Variants in PDK1 observed in about 807,000 individuals in gnomAD.
PDK1 encodes [Pyruvate dehydrogenase (acetyl-transferring)] kinase isozyme 1, mitochondrial.
PDK1 carries 39 observed loss-of-function variants against 54.2 expected under a neutral mutation model. That is an observed-to-expected ratio of 0.72 (90% CI 0.56 to 0.94). The LOEUF is 0.94. PDK1 is among the 40% of genes least tolerant of loss of function. The probability of loss-of-function intolerance (pLI) is 0.00; values close to 1 mark genes in which losing one functional copy is unlikely to be tolerated. For synonymous variants in PDK1, 221 were observed against 207.1 expected (o/e 1.07, Z -0.58); for missense variants, 552 against 566.0 (o/e 0.98, Z 0.25).
chr2:172,641,382 C>T, the PDK1 span, among the ~76,000 whole-genome samples: 7 of 152,042 alleles, frequency 4.6e-5, no homozygotes, highest in African/African-American at 1.7e-4. Context: ...ATCTTCCCAC[C>T]TCAGCCTCCC....
intron 8 of PDK1, among the ~76,000 whole-genome samples, chr2:172,583,326 T>C (rs1365673151): frequency 7.8e-6 from 1 of 128,890 alleles, no homozygotes; most frequent in Admixed American, 9.1e-5. Context: ...GAGCAGAGTC[T>C]CGCTCTGTCA....
At chr2:172,592,224 T>G (rs536894712) in intron 9 of PDK1, among the ~76,000 whole-genome samples, 1 of 152,348 alleles carries the variant, frequency 6.6e-6, no homozygotes, top group African/African-American at 2.4e-5. Flanking sequence ...GACCTTCAAT[T>G]ATCAGTTATA....
At chr2:172,568,327 CAAAAAAAAAAAAAAA>C (rs11400625) in intron 6 of PDK1, among the ~76,000 whole-genome samples, 1 of 57,110 alleles carries the variant, frequency 1.8e-5, no homozygotes, top group Non-Finnish European at 3.5e-5. Context: ...GACTCCGTCT[CAAAAAAAAAAAAAAA>C]AAAAAAAAGA....
At chr2:172,578,399 C>G (rs1367322127) in intron 8 of PDK1, among the ~76,000 whole-genome samples, 1 of 152,022 alleles carries the variant, frequency 6.6e-6, no homozygotes, top group Non-Finnish European at 1.5e-5. Flanking sequence ...CAACTTAGTT[C>G]TCTTATATAA....
chr2:172,583,031 C>T (rs951454712), intron 8 of PDK1, among the ~76,000 whole-genome samples: 1 of 152,166 alleles, frequency 6.6e-6, no homozygotes, highest in Non-Finnish European at 1.5e-5. Context: ...AATATTTACT[C>T]AAGTCTACCT....
At chr2:172,564,305 T>A (rs4972842) in intron 3 of PDK1, among the ~76,000 whole-genome samples, 198 bp from the exon 4 acceptor site, 18,923 of 152,298 alleles carry the variant, frequency 0.12, 1,563 homozygotes, top group Non-Finnish European at 0.19. Flanking sequence ...AAGTTTTATT[T>A]TGGAGGTCTG....
chr2:172,703,202 C>T, the PDK1 span, among the ~76,000 whole-genome samples: 4 of 152,074 alleles, frequency 2.6e-5, no homozygotes, highest in African/African-American at 9.7e-5. Flanking sequence ...AAGCCGGCAA[C>T]CACTGGGAGT....
At chr2:172,672,922 A>G in the PDK1 span, among the ~76,000 whole-genome samples, 10 of 152,230 alleles carry the variant, frequency 6.6e-5, no homozygotes, top group Non-Finnish European at 1.2e-4. Context: ...AAAGCATGTT[A>G]CCAGCAGCAA....
At chr2:172,626,111 T>C in the PDK1 span, among the ~76,000 whole-genome samples, 147 of 152,326 alleles carry the variant, frequency 9.7e-4, 1 homozygote, top group African/African-American at 3.3e-3. Context: ...CTCTGGAAGA[T>C]AAAAATATCT....
At chr2:172,665,222 C>T in the PDK1 span, among the ~76,000 whole-genome samples, 1 of 151,636 alleles carries the variant, frequency 6.6e-6, no homozygotes, top group African/African-American at 2.4e-5. Flanking sequence ...AATGATTGCC[C>T]CCTTTAAATT....
In PDK1 at chr2:172,596,209, T is replaced by G. The variant is rs1385561548; in HGVS notation, c.*240T>G. ...ACATATTTTTAAACAACTGTAGTTT[T>G]GGGCAACTTTTCACTTTGTGGTAGA... is the stretch of plus-strand genomic sequence containing the variant. On this transcript the variant is annotated 3_prime_UTR_variant, in exon 11 of 11. Coordinates refer to ENST00000282077, the MANE Select transcript of PDK1 (RefSeq NM_002610.5). 2 of 325,260 alleles carry G rather than the reference T, an allele frequency of 6.1e-6. No homozygotes were observed. The highest frequency in any genetic ancestry group is 4.2e-5 in the African/African-American group (2 of 47,662). 20.1% of individuals were successfully genotyped at this position (325,260 alleles called of 1,614,324 possible). A position where few individuals can be genotyped will look rare whatever the true frequency, so the allele number is the denominator to read the frequency against.
the PDK1 span, among the ~76,000 whole-genome samples, chr2:172,660,641 C>T: frequency 2.0e-5 from 3 of 152,048 alleles, no homozygotes; most frequent in Non-Finnish European, 4.4e-5. Flanking sequence ...GCTAACATCT[C>T]CCTTGAAATT....
the PDK1 span, among the ~76,000 whole-genome samples, chr2:172,636,362 GGA>G: frequency 1.4e-3 from 206 of 152,244 alleles, 2 homozygotes; most frequent in Non-Finnish European, 8.5e-4. Flanking sequence ...AGAGAGGGCG[GGA>G]GAGAGAGGGG....
At position 172,602,277 on chromosome 2, in the gene PDK1, T is replaced by C. The variant is rs919685529; in HGVS notation, c.*6308T>C. The C allele has an allele frequency of 6.6e-6, 1 of 152,208 alleles. No homozygotes were observed. Among genetic ancestry groups the C allele is most frequent in the African/African-American group, 2.4e-5 (1 of 41,452 alleles). The allele number at this position is 152,208 out of a possible 1,614,324, so 9.4% of individuals were successfully genotyped here. A position where few individuals can be genotyped will look rare whatever the true frequency, so the allele number is the denominator to read the frequency against. On this transcript the variant is annotated 3_prime_UTR_variant, in exon 11 of 11. Transcript: ENST00000282077. ...ACATTGAATGTAGCAGTGCATAAAA[T>C]ATTGTATCATGAGCAAAAGGAGAAT...
chr2:172,720,115 TC>T, the PDK1 span, among the ~76,000 whole-genome samples: 441 of 87,676 alleles, frequency 5.0e-3, 2 homozygotes, highest in East Asian at 0.06. Flanking sequence ...TCTCTCTCTC[TC>T]TTTTTTTTTT....
the PDK1 span, among the ~76,000 whole-genome samples, chr2:172,698,046 C>A: frequency 3.3e-5 from 5 of 152,310 alleles, no homozygotes; most frequent in East Asian, 9.7e-4. Flanking sequence ...GGCCACCCAT[C>A]TTCCTGAAAG....
the PDK1 span, among the ~76,000 whole-genome samples, chr2:172,653,467 G>T: frequency 4.1e-4 from 62 of 152,220 alleles, no homozygotes; most frequent in African/African-American, 1.4e-3. Context: ...GCCGGGCATG[G>T]TCGTGGGCAC....
At chr2:172,608,981 T>A (rs372216164), downstream of PDK1, among the ~76,000 whole-genome samples, 2 of 152,316 alleles carry the variant, frequency 1.3e-5, no homozygotes, top group Non-Finnish European at 2.9e-5. Context: ...TGGAAAATCA[T>A]TATAAAGTCC....
chr2:172,691,707 G>A, the PDK1 span, among the ~76,000 whole-genome samples: 1 of 152,168 alleles, frequency 6.6e-6, no homozygotes, highest in African/African-American at 2.4e-5. Context: ...TCAGTAAGAG[G>A]CATTTGAAGT....
Sources: allele counts gnomAD v4.1 joint callset (sites outside exome capture counted in the v4.1 genomes callset), GRCh38; gene constraint gnomAD v4.1.1; transcripts MANE v1.5; gene names NCBI Gene and HGNC (gene_info 2026-07-23, HGNC 2026-07-21).